BPTF: variants seen among roughly 807,000 people sequenced by gnomAD.
The protein encoded by BPTF is nucleosome-remodeling factor subunit BPTF.
Under a neutral mutation model 292.5 loss-of-function variants are expected in BPTF, and 18 were observed. That is an observed-to-expected ratio of 0.06 (90% CI 0.04 to 0.09). The LOEUF is 0.09. BPTF is among the 10% of genes least tolerant of loss of function. The pLI, the probability that BPTF is intolerant of heterozygous loss-of-function variation, is 1.00. For synonymous variants in BPTF, 1,225 were observed against 1,251.9 expected (o/e 0.98, Z 0.45); for missense variants, 2,726 against 3,498.7 (o/e 0.78, Z 5.57).
chr17:67,864,509 C>G (rs150803053), intron 2 of BPTF, among the ~76,000 whole-genome samples: 1,486 of 118,322 alleles, frequency 0.013, 10 homozygotes, highest in Admixed American at 0.02. Flanking sequence ...GCCTGGGCAA[C>G]AGAGTGAGAC....
At position 67,984,074 on chromosome 17, in the gene BPTF, C is replaced by T. The variant is rs2070666401; in HGVS notation, c.*1786C>T. On this transcript the variant is annotated 3_prime_UTR_variant, in exon 28 of 28. Transcript: ENST00000306378. ...AGTAGTTAAATATGGGTTATTTTGT[C>T]CTTTTACTTTTTTAAAAAATGTTAC... 1 of 152,510 alleles carries T rather than the reference C, an allele frequency of 6.6e-6. No homozygotes were observed. Among genetic ancestry groups the T allele is most frequent in the Non-Finnish European group, 1.5e-5 (1 of 68,016 alleles). The allele number at this position is 152,510 out of a possible 1,614,324, so 9.4% of individuals were successfully genotyped here. A position where few individuals can be genotyped will look rare whatever the true frequency, so the allele number is the denominator to read the frequency against.
rs140867751 is a variant in BPTF at position 67,891,771 on chromosome 17, T to C, written c.1865-73T>C. 2.6e-3 allele frequency: 3,200 copies of C among 1,208,368 alleles called. 68 individuals are homozygous for C. In the African/African-American group the frequency reaches 0.045, roughly 17 times the overall value. The allele number at this position is 1,208,368 out of a possible 1,614,324, so 74.9% of individuals were successfully genotyped here. ...ATCTTACACATACACCAGATACGAGTTTTGGTGAAATAAGGTGGTTATAAT... is the reference window on the plus strand; with the variant it reads ...ATCTTACACATACACCAGATACGAGCTTTGGTGAAATAAGGTGGTTATAAT... On this transcript the variant is annotated intron_variant, in intron 4 of 27. Coordinates refer to ENST00000306378, the MANE Select transcript of BPTF (RefSeq NM_182641.4).
chr17:67,898,012 A>G (rs2061564119), intron 7 of BPTF, among the ~76,000 whole-genome samples: 1 of 152,220 alleles, frequency 6.6e-6, no homozygotes, highest in East Asian at 1.9e-4. Flanking sequence ...CCATGGCTGA[A>G]TTGGCTTCAC....
chr17:67,928,589 C>A lies in BPTF; in HGVS notation c.5986C>A (p.Gln1996Lys). ...QTFATWVKQG[Q>K]SNSGVVQVQQ... ...CTTTGCTACATGGGTTAAGCAAGGC[C>A]AGTCAAATTCAGGTATGGAACTATC... is the stretch of plus-strand genomic sequence containing the variant. The change falls in exon 16 of 28, where the codon CAG becomes AAG. Residue 1996 changes from glutamine (Q) to lysine (K), a missense_variant. By Grantham distance (53) the Gln-to-Lys change is moderately conservative. Coordinates refer to ENST00000306378, the MANE Select transcript of BPTF (RefSeq NM_182641.4). The A allele has an allele frequency of 1.2e-6, 2 of 1,611,132 alleles. No individual in the cohort carries two copies. The highest frequency in any genetic ancestry group is 1.1e-5 in the South Asian group (1 of 90,738).
chr17:67,850,254 CT>C (rs1409115951), intron 1 of BPTF, among the ~76,000 whole-genome samples: 2 of 152,198 alleles, frequency 1.3e-5, no homozygotes, highest in African/African-American at 4.8e-5. Flanking sequence ...AGATTATATT[CT>C]AGTGGTGATA....
intron 4 of BPTF, among the ~76,000 whole-genome samples, chr17:67,879,293 C>CT (rs1567964379): frequency 2.6e-5 from 4 of 152,056 alleles, no homozygotes; most frequent in African/African-American, 9.7e-5. Context: ...AGGTGCCCAC[C>CT]ACCACGTCTG....
intron 13 of BPTF, among the ~76,000 whole-genome samples, chr17:67,921,088 T>TG (rs1247446612): frequency 1.3e-5 from 2 of 150,708 alleles, no homozygotes; most frequent in Non-Finnish European, 2.9e-5. Context: ...TGCATGCCTG[T>TG]AATCCCAGCT....
intron 1 of BPTF, among the ~76,000 whole-genome samples, chr17:67,846,001 C>T (rs2058003683): frequency 6.6e-6 from 1 of 151,984 alleles, no homozygotes; most frequent in Non-Finnish European, 1.5e-5. Context: ...AGTTCTTAAA[C>T]TTTTTCGAAG....
intron 1 of BPTF, among the ~76,000 whole-genome samples, chr17:67,836,617 A>G (rs973863758): frequency 1.3e-5 from 2 of 152,200 alleles, no homozygotes; most frequent in Admixed American, 6.5e-5. Context: ...TAGAGCCTCA[A>G]AATACATGAG....
chr17:67,850,493 C>T (rs373573165), intron 1 of BPTF, among the ~76,000 whole-genome samples: 3 of 152,150 alleles, frequency 2.0e-5, no homozygotes, highest in African/African-American at 7.2e-5. Flanking sequence ...CTCAGCCTCC[C>T]AAGTAGCTGG....
chr17:67,934,656 A>G (rs4791300), intron 18 of BPTF, among the ~76,000 whole-genome samples: 53,409 of 151,522 alleles, frequency 0.35, 12,179 homozygotes, highest in East Asian at 0.68. Context: ...GGTGGATCAC[A>G]AGGTCAAGAG....
In BPTF at chr17:67,866,653, G is replaced by T. The variant is rs776228112; in HGVS notation, c.1626G>T (p.Arg542=). ...CTGAAGACCTGACCAATAAGGCTCG[G>T]GGCAGTAACAAATCCTTTCTGGCGG... ...DITEDLTNKA[R]GSNKSFLAAA... Residue 542 remains arginine, a synonymous_variant, in exon 3 of 28, where the codon CGG becomes CGT. Transcript: ENST00000306378. 5.7e-5 allele frequency: 92 copies of T among 1,613,604 alleles called. No individual in the cohort carries two copies. Among genetic ancestry groups the T allele is most frequent in the Middle Eastern group, 1.6e-4 (1 of 6,078 alleles).
chr17:67,879,418 G>A (rs547753898), intron 4 of BPTF, among the ~76,000 whole-genome samples: 2 of 152,278 alleles, frequency 1.3e-5, no homozygotes, highest in Admixed American at 1.3e-4. Flanking sequence ...GGGATTAGAG[G>A]CGTGAGCCAC....
chr17:67,944,079 G>T (rs1428526277), intron 19 of BPTF, 71 bp from the exon 20 acceptor site: 1 of 1,115,326 alleles, frequency 9.0e-7, no homozygotes, highest in Non-Finnish European at 1.3e-6. Context: ...ACATAAAAAT[G>T]ATTTAATAAA....
intron 27 of BPTF, among the ~76,000 whole-genome samples, chr17:67,980,033 A>AAAAC (rs782321356): frequency 6.6e-5 from 10 of 151,686 alleles, no homozygotes; most frequent in Non-Finnish European, 1.5e-4. Context: ...ACTCCGTCTG[A>AAAAC]AAACAAACAA....
chr17:67,884,992 T>C (rs2060658765), intron 4 of BPTF, among the ~76,000 whole-genome samples: 1 of 152,224 alleles, frequency 6.6e-6, no homozygotes. Context: ...TCCATATGCC[T>C]AAAGGCCATT....
intron 23 of BPTF, among the ~76,000 whole-genome samples, chr17:67,950,186 C>A (rs2066210550): frequency 6.6e-6 from 1 of 151,458 alleles, no homozygotes; most frequent in Admixed American, 6.6e-5. Flanking sequence ...ATCACTTGAG[C>A]TCAGGTGAAG....
At chr17:67,913,576 A>G (rs1349538882) in intron 11 of BPTF, among the ~76,000 whole-genome samples, 1 of 152,232 alleles carries the variant, frequency 6.6e-6, no homozygotes, top group Non-Finnish European at 1.5e-5. Context: ...TTCATAAAAA[A>G]TAAGACATAA....
intron 26 of BPTF, among the ~76,000 whole-genome samples, chr17:67,967,900 A>G (rs1158698589): frequency 6.6e-6 from 1 of 151,414 alleles, no homozygotes; most frequent in Non-Finnish European, 1.5e-5. Context: ...GTGGAGTATT[A>G]TGCAGCTTTA....
Sources: gnomAD v4.1 joint callset for allele counts (sites outside exome capture counted in the v4.1 genomes callset) on GRCh38, gnomAD v4.1.1 for gene constraint, MANE v1.5 for transcripts, NCBI Gene and HGNC (gene_info 2026-07-23, HGNC 2026-07-21) for gene names.